Variants in PITPNM2 observed in about 807,000 individuals in gnomAD.
PITPNM2 encodes membrane-associated phosphatidylinositol transfer protein 2.
PITPNM2 carries 35 observed loss-of-function variants against 132.2 expected under a neutral mutation model. The ratio of observed to expected loss-of-function variants is 0.26; its 90% confidence interval spans 0.20 to 0.35. PITPNM2 has a LOEUF of 0.35. PITPNM2 is among the 10% of genes least tolerant of loss of function. The probability of loss-of-function intolerance (pLI) is 1.00; values close to 1 mark genes in which losing one functional copy is unlikely to be tolerated. For synonymous variants in PITPNM2, 738 were observed against 799.2 expected, an observed-to-expected ratio of 0.92 and a Z score of 1.29; for missense variants, 1,332 against 1,912.0, an observed-to-expected ratio of 0.70 and a Z score of 5.66.
Position 123,022,013 on chromosome 12 carries a change from T to C in PITPNM2, c.79-7971A>G, listed in dbSNP as rs2039688185. Among the ~76,000 whole-genome samples the C allele has an allele frequency of 6.6e-6, 1 of 151,758 alleles. No homozygotes were observed. Among genetic ancestry groups the C allele is most frequent in the Non-Finnish European group, 1.5e-5 (1 of 67,934 alleles). On this transcript the variant is annotated intron_variant, in intron 3 of 25. Transcript: ENST00000320201. This position sits in a 1 kb window ranked among gnomAD's most constrained non-coding sequence, Gnocchi z 4.9. ...CCTGGCTTTATCCCAGCAAGGAGAG[T>C]GGCAGGGGAATCGCCATGGCTCCAA... is the stretch of plus-strand genomic sequence containing the variant.
At chr12:123,013,740 T>G (rs1298224729) in intron 4 of PITPNM2, 88 bp downstream of exon 4, 2 of 1,412,862 alleles carry the variant, frequency 1.4e-6, no homozygotes, top group Admixed American at 3.9e-5. Context: ...TGAAGGCTGA[T>G]CCCATCCCCT....
chr12:122,990,377 G>A (rs1441643675), intron 17 of PITPNM2, among the ~76,000 whole-genome samples, 168 bp downstream of exon 17: 3 of 152,230 alleles, frequency 2.0e-5, no homozygotes, highest in East Asian at 1.9e-4. Context: ...GGGCTGGCCC[G>A]GGCACTGCAG....
In PITPNM2 at chr12:123,036,946, T is replaced by A. The variant is rs2040288781; in HGVS notation, c.-95-2261A>T. Among the ~76,000 whole-genome samples, 2 of 152,250 alleles carry A rather than the reference T, an allele frequency of 1.3e-5. No individual in the cohort carries two copies. The highest frequency in any genetic ancestry group is 4.8e-5 in the African/African-American group (2 of 41,464). ...TGCTCAAGTGAAAAAAGACCATTGC[T>A]GACCTTCTTCAAGGTCAATGGGTCT... is the stretch of plus-strand genomic sequence containing the variant. On this transcript the variant is annotated intron_variant, in intron 2 of 25. Transcript: ENST00000320201. This position sits in a 1 kb window ranked among gnomAD's most constrained non-coding sequence, Gnocchi z 4.1.
At chr12:123,134,554 C>A (rs141745153) in intron 1 of PITPNM2, among the ~76,000 whole-genome samples, 1 of 152,260 alleles carries the variant, frequency 6.6e-6, no homozygotes, top group African/African-American at 2.4e-5. Flanking sequence ...TCAAACCAGG[C>A]TGCAGGGAGG....
intron 2 of PITPNM2, among the ~76,000 whole-genome samples, chr12:123,044,095 A>G (rs560962353): frequency 3.8e-4 from 58 of 152,278 alleles, no homozygotes; most frequent in Non-Finnish European, 6.5e-4. Flanking sequence ...CTGGGCCCTT[A>G]AACAAAATGC....
chr12:123,142,434 A>G (rs937003003), intron 1 of PITPNM2, among the ~76,000 whole-genome samples: 1 of 152,232 alleles, frequency 6.6e-6, no homozygotes, highest in Non-Finnish European at 1.5e-5. Context: ...TGCATGCCCA[A>G]CTGATGGCGA....
At position 122,995,445 on chromosome 12, in the gene PITPNM2, G is replaced by A. The variant is rs373475347; in HGVS notation, c.1998C>T (p.Ser666=). 11 of 1,613,544 alleles carry A rather than the reference G, an allele frequency of 6.8e-6. No individual in the cohort carries two copies. Among genetic ancestry groups the A allele is most frequent in the African/African-American group, 4.0e-5 (3 of 74,926 alleles). ...DPKRQLPRKR[S]DSSTYELDTI... is the part of the protein sequence containing the mutation. ...TATCCAGCTCGTAGGTGGATGAGTCGCTCCTCTTGCGGGGCAGTTGCCTTT... is the reference window on the plus strand; with the variant it reads ...TATCCAGCTCGTAGGTGGATGAGTCACTCCTCTTGCGGGGCAGTTGCCTTT... Residue 666 remains serine, a synonymous_variant, in exon 14 of 26, where the codon AGC becomes AGT. Coordinates refer to ENST00000320201, the MANE Select transcript of PITPNM2 (RefSeq NM_020845.3).
chr12:123,025,493 G>A (rs900919576), intron 3 of PITPNM2, among the ~76,000 whole-genome samples: 2 of 151,200 alleles, frequency 1.3e-5, no homozygotes, highest in Non-Finnish European at 2.9e-5. Context: ...GGGTGCAATG[G>A]TGTGATCTTG....
At chr12:123,070,378 G>C (rs576631659) in intron 2 of PITPNM2, among the ~76,000 whole-genome samples, 2 of 152,164 alleles carry the variant, frequency 1.3e-5, no homozygotes, top group Non-Finnish European at 2.9e-5. Context: ...CCGTATCCAA[G>C]GGCCCCAGGA....
chr12:123,040,149 T>C (rs1287391819), intron 2 of PITPNM2, among the ~76,000 whole-genome samples: 1 of 152,120 alleles, frequency 6.6e-6, no homozygotes, highest in African/African-American at 2.4e-5. Flanking sequence ...ATAAAGTTTA[T>C]TATTAAAAAA....
chr12:123,007,127 T>C (rs1041776294), intron 6 of PITPNM2, among the ~76,000 whole-genome samples: 5 of 152,314 alleles, frequency 3.3e-5, no homozygotes, highest in African/African-American at 1.2e-4. Context: ...TGTGTTTTCC[T>C]GCACACTGTA....
At chr12:123,136,989 G>T (rs1392864755) in intron 1 of PITPNM2, among the ~76,000 whole-genome samples, 1 of 152,170 alleles carries the variant, frequency 6.6e-6, no homozygotes, top group African/African-American at 2.4e-5. Flanking sequence ...AATTGACCCT[G>T]GCCTGATAAT....
chr12:123,116,399 C>T (rs987955233), intron 1 of PITPNM2, among the ~76,000 whole-genome samples: 1 of 152,030 alleles, frequency 6.6e-6, no homozygotes, highest in Admixed American at 6.6e-5. Context: ...TGTGTAGTCC[C>T]AGTGCTTCAG....
At chr12:123,049,420 G>C (rs2136633516) in intron 2 of PITPNM2, among the ~76,000 whole-genome samples, 1 of 152,252 alleles carries the variant, frequency 6.6e-6, no homozygotes, top group Non-Finnish European at 1.5e-5. Context: ...GCCTGCTCGT[G>C]AGCCATAGCT....
intron 2 of PITPNM2, among the ~76,000 whole-genome samples, chr12:123,067,005 T>C (rs61955221): frequency 2.6e-4 from 38 of 145,424 alleles, no homozygotes; most frequent in Non-Finnish European, 5.6e-4. Context: ...TGCAGCCCCC[T>C]CCCCAAATTC....
At chr12:123,066,772 C>G (rs1427646691) in intron 2 of PITPNM2, among the ~76,000 whole-genome samples, 1 of 151,926 alleles carries the variant, frequency 6.6e-6, no homozygotes, top group Admixed American at 6.6e-5. Flanking sequence ...GACTAGTACA[C>G]CCTCTCCACA....
In PITPNM2 at chr12:123,034,144, G is replaced by A. The variant is rs190920503; in HGVS notation, c.78+369C>T. On this transcript the variant is annotated intron_variant, in intron 3 of 25. Transcript: ENST00000320201. ...TTCCGGCCCCCAGAACTGTGAGGAA[G>A]TGTGTTCCTCTACGCCCCCAGTTTG... 23 of 201,774 alleles carry A rather than the reference G, an allele frequency of 1.1e-4. No homozygotes were observed. The East Asian group carries it at 2.7e-3, about 24-fold the overall frequency. 12.5% of individuals were successfully genotyped at this position (201,774 alleles called of 1,614,324 possible).
intron 2 of PITPNM2, among the ~76,000 whole-genome samples, chr12:123,065,552 A>G (rs2041383896): frequency 6.6e-6 from 1 of 152,232 alleles, no homozygotes; most frequent in African/African-American, 2.4e-5. Context: ...CCAGCAGATT[A>G]TGTCTTTTTG....
intron 1 of PITPNM2, among the ~76,000 whole-genome samples, chr12:123,115,379 A>G (rs1383880453): frequency 6.6e-6 from 1 of 152,144 alleles, no homozygotes; most frequent in Non-Finnish European, 1.5e-5. Context: ...AGGGCCATTA[A>G]AAGACTGTTA....
Sources: allele counts gnomAD v4.1 joint callset (sites outside exome capture counted in the v4.1 genomes callset), GRCh38; gene constraint gnomAD v4.1.1; non-coding constraint Gnocchi (gnomAD v3.1); transcripts MANE v1.5; gene names NCBI Gene and HGNC (gene_info 2026-07-23, HGNC 2026-07-21).